Variants in CNTN5 observed in about 807,000 individuals in gnomAD.
CNTN5 encodes the protein contactin-5.
In CNTN5, 77 loss-of-function variants were observed where a neutral mutation model predicts 129.1. The ratio of observed to expected loss-of-function variants is 0.60; its 90% CI spans 0.50 to 0.72. The LOEUF is 0.72. Among genes scored for constraint, CNTN5 ranks in the 30% least tolerant of loss-of-function variants. The pLI, the probability that CNTN5 is intolerant of heterozygous loss-of-function variation, is 0.00. For missense variants in CNTN5, 1,478 were observed against 1,328.8 expected (o/e 1.11, Z -1.75); for synonymous variants, 509 against 465.6 (o/e 1.09, Z -1.20).
At chr11:99,627,792 A>G (rs547500438) in intron 3 of CNTN5, among the ~76,000 whole-genome samples, 15 of 151,932 alleles carry the variant, frequency 9.9e-5, no homozygotes, top group African/African-American at 3.6e-4. Flanking sequence ...AAGGATATAA[A>G]TAGAGCACTG....
At chr11:100,340,795 A>T in intron 22 of CNTN5, 146 bp downstream of exon 22, 1 of 759,246 alleles carries the variant, frequency 1.3e-6, no homozygotes, top group Non-Finnish European at 2.1e-6. Context: ...CTGAATCCTC[A>T]AACTAGCTCA....
intron 9 of CNTN5, among the ~76,000 whole-genome samples, chr11:100,039,753 G>GA (rs1405568691): frequency 3.9e-5 from 6 of 152,206 alleles, no homozygotes; most frequent in African/African-American, 1.2e-4. Flanking sequence ...TCTTCCAGTT[G>GA]ATGGCATTGG....
At chr11:100,219,396 C>A (rs1281255932) in intron 15 of CNTN5, among the ~76,000 whole-genome samples, 2 of 152,142 alleles carry the variant, frequency 1.3e-5, no homozygotes, top group Non-Finnish European at 2.9e-5. Context: ...TACAAGTCAG[C>A]CCAGGAAAAC....
intron 1 of CNTN5, among the ~76,000 whole-genome samples, chr11:99,261,735 T>C (rs1304863394): frequency 6.6e-6 from 1 of 152,060 alleles, no homozygotes; most frequent in Non-Finnish European, 1.5e-5. Context: ...GGTAAGGTGA[T>C]AGGTGTATTT....
At chr11:99,606,530 A>T (rs1206636305) in intron 3 of CNTN5, among the ~76,000 whole-genome samples, 3 of 143,110 alleles carry the variant, frequency 2.1e-5, no homozygotes, top group Non-Finnish European at 4.6e-5. Context: ...GCCCAAGGTA[A>T]TTTACAGATT....
chr11:99,766,266 G>A (rs1591126625), intron 3 of CNTN5, among the ~76,000 whole-genome samples: 1 of 151,900 alleles, frequency 6.6e-6, no homozygotes, highest in African/African-American at 2.4e-5. Flanking sequence ...GAATAAAACA[G>A]GCCTTCACTG....
chr11:99,233,040 T>G (rs1286269023), intron 1 of CNTN5, among the ~76,000 whole-genome samples: 1 of 152,324 alleles, frequency 6.6e-6, no homozygotes, highest in East Asian at 1.9e-4. Context: ...AGTAGAAAAA[T>G]AGTTCCTGAA....
intron 7 of CNTN5, among the ~76,000 whole-genome samples, chr11:99,944,792 A>G (rs115852954): frequency 5.5e-4 from 83 of 152,216 alleles, no homozygotes; most frequent in African/African-American, 1.9e-3. Flanking sequence ...ATACCTAGGA[A>G]TACAACTTAC....
intron 3 of CNTN5, among the ~76,000 whole-genome samples, chr11:99,741,300 C>A (rs143818519): frequency 6.6e-6 from 1 of 152,254 alleles, no homozygotes; most frequent in African/African-American, 2.4e-5. Flanking sequence ...CTTTAAGTAG[C>A]TACGGAACTA....
At chr11:99,721,494 A>G (rs1943171483) in intron 3 of CNTN5, among the ~76,000 whole-genome samples, 1 of 152,192 alleles carries the variant, frequency 6.6e-6, no homozygotes, top group Admixed American at 6.5e-5. Flanking sequence ...TAGTTGGATT[A>G]AAGACTTAAA....
intron 13 of CNTN5, among the ~76,000 whole-genome samples, chr11:100,102,090 C>T (rs1287270313): frequency 1.3e-5 from 2 of 152,074 alleles, no homozygotes; most frequent in Admixed American, 1.3e-4. Context: ...GGTAGATACC[C>T]AGTAGTAGGA....
chr11:99,343,769 C>A (rs1234513740), intron 2 of CNTN5, among the ~76,000 whole-genome samples: 1 of 151,946 alleles, frequency 6.6e-6, no homozygotes, highest in Non-Finnish European at 1.5e-5. Context: ...ACATTTCGAC[C>A]TACAAAAACA....
intron 2 of CNTN5, among the ~76,000 whole-genome samples, chr11:99,379,321 T>G (rs542875200): frequency 6.6e-6 from 1 of 151,834 alleles, no homozygotes; most frequent in Admixed American, 6.6e-5. Flanking sequence ...ATCTCTAACT[T>G]AAAATTTAAA....
intron 1 of CNTN5, among the ~76,000 whole-genome samples, chr11:99,244,592 C>T (rs949784744): frequency 2.6e-5 from 4 of 152,102 alleles, no homozygotes; most frequent in African/African-American, 7.2e-5. Context: ...TCGAGTTATA[C>T]TCAGTGAACT....
chr11:100,088,694 T>C (rs1245652621), intron 13 of CNTN5, among the ~76,000 whole-genome samples: 1 of 151,958 alleles, frequency 6.6e-6, no homozygotes, highest in Non-Finnish European at 1.5e-5. Flanking sequence ...CAGGAAGAAA[T>C]TAAAAGCCTG....
At chr11:100,063,010 G>A (rs779468470) in intron 10 of CNTN5, among the ~76,000 whole-genome samples, 9 of 152,052 alleles carry the variant, frequency 5.9e-5, no homozygotes, top group Non-Finnish European at 1.0e-4. Flanking sequence ...GTGTTGAACC[G>A]GAACTTTACT....
chr11:99,390,228 C>T (rs895535629), intron 2 of CNTN5, among the ~76,000 whole-genome samples: 4 of 151,870 alleles, frequency 2.6e-5, no homozygotes, highest in Non-Finnish European at 5.9e-5. Context: ...AGCAATCCTA[C>T]TGCCTCAAAC....
intron 7 of CNTN5, among the ~76,000 whole-genome samples, chr11:99,933,746 A>C (rs929157201): frequency 1.3e-5 from 2 of 152,208 alleles, no homozygotes; most frequent in African/African-American, 4.8e-5. Context: ...ATTAAAACTA[A>C]TGATAGAACC....
intron 9 of CNTN5, among the ~76,000 whole-genome samples, chr11:100,039,525 G>A (rs1081361): frequency 0.45 from 68,313 of 151,962 alleles, 16,055 homozygotes; most frequent in African/African-American, 0.58. Flanking sequence ...TGCCTTGCTA[G>A]ATTGGGGAAG....
Sources: gnomAD v4.1 joint callset for allele counts (sites outside exome capture counted in the v4.1 genomes callset) on GRCh38, gnomAD v4.1.1 for gene constraint, MANE v1.5 for transcripts, NCBI Gene and HGNC (gene_info 2026-07-23, HGNC 2026-07-21) for gene names.